The following LYPD6B variants were observed in gnomAD, a reference collection of about 807,000 sequenced individuals.
LYPD6B encodes ly6/PLAUR domain-containing protein 6B.
In LYPD6B, 17 loss-of-function variants were observed where a neutral mutation model predicts 22.8. That is an observed-to-expected ratio of 0.75 (90% CI 0.51 to 1.12). The LOEUF is 1.12. Among genes scored for constraint, LYPD6B ranks in the 50% most tolerant of loss-of-function variants. LYPD6B has a pLI of 0.00. For missense variants in LYPD6B, 221 were observed against 258.3 expected (o/e 0.86, Z 0.99); for synonymous variants, 106 against 91.6 (o/e 1.16, Z -0.90).
chr2:149,178,226 A>T (rs1266557271), intron 3 of LYPD6B, among the ~76,000 whole-genome samples: 1 of 152,212 alleles, frequency 6.6e-6, no homozygotes, highest in Non-Finnish European at 1.5e-5. Context: ...CTTCCAGCAC[A>T]GCCTTTCCAT....
intron 1 of LYPD6B, among the ~76,000 whole-genome samples, chr2:149,050,284 A>G (rs562620943): frequency 1.9e-4 from 29 of 152,046 alleles, no homozygotes; most frequent in African/African-American, 6.7e-4. Context: ...GCCCTTAACC[A>G]GCTGTATTAC....
In LYPD6B at chr2:149,044,983, G is replaced by A. The variant is rs376597313; in HGVS notation, c.-67+6182G>A. Reference sequence around the variant, plus strand: ...TTGGTTGTAATGTATTTTTGGAGGGGACTAGGTAGATTGGTATTATTTATT... The same window carrying A: ...TTGGTTGTAATGTATTTTTGGAGGGAACTAGGTAGATTGGTATTATTTATT... On this transcript the variant is annotated intron_variant, in intron 1 of 6. Transcript: ENST00000409642. Among the ~76,000 whole-genome samples, 21 of 152,108 alleles carry A rather than the reference G, an allele frequency of 1.4e-4. No individual in the cohort carries two copies. The East Asian group carries it at 1.5e-3, about 11-fold the overall frequency.
intron 1 of LYPD6B, among the ~76,000 whole-genome samples, chr2:149,042,516 A>G (rs149500483): frequency 6.6e-6 from 1 of 152,334 alleles, no homozygotes; most frequent in East Asian, 1.9e-4. Flanking sequence ...CAATACTGCC[A>G]TGGGCTGGCC....
At chr2:149,065,812 A>C (rs1452635895) in intron 1 of LYPD6B, among the ~76,000 whole-genome samples, 2 of 152,122 alleles carry the variant, frequency 1.3e-5, no homozygotes, top group South Asian at 4.1e-4. Context: ...AGGCTCAAGC[A>C]GTCCTCTTGC....
intron 1 of LYPD6B, among the ~76,000 whole-genome samples, chr2:149,127,341 T>C (rs532855840): frequency 6.6e-6 from 1 of 152,322 alleles, no homozygotes; most frequent in South Asian, 2.1e-4. Flanking sequence ...AGAACTTTCC[T>C]CCAGAGAAGA....
intron 2 of LYPD6B, among the ~76,000 whole-genome samples, chr2:149,135,043 A>C (rs1200819878): frequency 6.6e-6 from 1 of 151,480 alleles, no homozygotes; most frequent in Admixed American, 6.6e-5. Context: ...TCAGGAGTTC[A>C]AGACCAGCCT....
At chr2:149,209,833 G>T (rs1559081405) in intron 5 of LYPD6B, among the ~76,000 whole-genome samples, 1 of 152,128 alleles carries the variant, frequency 6.6e-6, no homozygotes, top group African/African-American at 2.4e-5. Flanking sequence ...TTTCTGTCAA[G>T]GGATCATCCT....
intron 1 of LYPD6B, among the ~76,000 whole-genome samples, chr2:149,115,897 C>A (rs572066031): frequency 6.6e-6 from 1 of 152,360 alleles, no homozygotes; most frequent in East Asian, 1.9e-4. Context: ...TAGTGTGACA[C>A]AACCTCTCAC....
At chr2:149,195,629 T>C (rs990442463) in intron 3 of LYPD6B, among the ~76,000 whole-genome samples, 7 of 151,932 alleles carry the variant, frequency 4.6e-5, no homozygotes, top group Non-Finnish European at 1.0e-4. Context: ...CAGATAATCA[T>C]AGAATTTGAG....
At chr2:149,120,938 T>C (rs1575005433) in intron 1 of LYPD6B, among the ~76,000 whole-genome samples, 1 of 151,760 alleles carries the variant, frequency 6.6e-6, no homozygotes, top group East Asian at 2.0e-4. Flanking sequence ...ACTACAGGTG[T>C]GCACCACCAT....
intron 1 of LYPD6B, among the ~76,000 whole-genome samples, chr2:149,081,629 C>G (rs999316424): frequency 6.6e-6 from 1 of 152,132 alleles, no homozygotes; most frequent in South Asian, 2.1e-4. Context: ...AATGAGTTCT[C>G]ACACAGAACG....
intron 1 of LYPD6B, 127 bp downstream of exon 1, chr2:149,038,928 G>A (rs950263258): frequency 7.0e-5 from 10 of 142,278 alleles, no homozygotes; most frequent in African/African-American, 2.6e-4. Flanking sequence ...GGCGCGCTGG[G>A]GCAGCCAGGA....
intron 1 of LYPD6B, among the ~76,000 whole-genome samples, chr2:149,050,816 T>G (rs1683516984): frequency 6.6e-6 from 1 of 152,224 alleles, no homozygotes; most frequent in South Asian, 2.1e-4. Flanking sequence ...ACAGTTGTAG[T>G]GATAATTTTA....
chr2:149,171,526 T>TG (rs1224026820), intron 3 of LYPD6B, among the ~76,000 whole-genome samples: 15 of 129,888 alleles, frequency 1.2e-4, no homozygotes, highest in African/African-American at 3.5e-4. Context: ...TTTTGAAGTC[T>TG]GATTTTTTTT....
intron 1 of LYPD6B, among the ~76,000 whole-genome samples, chr2:149,112,260 G>A (rs1686793655): frequency 6.6e-6 from 1 of 152,208 alleles, no homozygotes; most frequent in African/African-American, 2.4e-5. Context: ...AGATTGAGTG[G>A]ACCTTGGTAT....
intron 2 of LYPD6B, among the ~76,000 whole-genome samples, chr2:149,154,844 G>A (rs192632344): frequency 3.9e-5 from 6 of 152,056 alleles, no homozygotes; most frequent in Admixed American, 6.6e-5. Flanking sequence ...TATATGCTAG[G>A]GACCGAAAGA....
chr2:149,157,994 C>G (rs1263022846), intron 2 of LYPD6B, among the ~76,000 whole-genome samples: 1 of 152,128 alleles, frequency 6.6e-6, no homozygotes, highest in Non-Finnish European at 1.5e-5. Context: ...TTACACGTAG[C>G]AGGGGATATT....
Position 149,177,914 on chromosome 2 carries a change from G to A in LYPD6B, c.77+17079G>A, listed in dbSNP as rs146004483. 1.9e-3 allele frequency among the ~76,000 whole-genome samples: 277 copies of A among 145,004 alleles called. 1 individual carries two copies. The highest frequency in any genetic ancestry group is 6.7e-3 in the African/African-American group (261 of 39,130). On this transcript the variant is annotated intron_variant, in intron 3 of 6. Coordinates refer to ENST00000409642, the MANE Select transcript of LYPD6B (RefSeq NM_177964.5). ...AATGTTTATTGAGCACTTATTATATGCTAGGCATTGTAAAACACACTTTGT... is the reference window on the plus strand; with the variant it reads ...AATGTTTATTGAGCACTTATTATATACTAGGCATTGTAAAACACACTTTGT...
At chr2:149,161,763 C>T (rs1690077782) in intron 3 of LYPD6B, among the ~76,000 whole-genome samples, 1 of 152,136 alleles carries the variant, frequency 6.6e-6, no homozygotes, top group Non-Finnish European at 1.5e-5. Flanking sequence ...TGGCCAGGGC[C>T]ATGTTTATGT....
Sources: gnomAD v4.1 joint callset for allele counts (sites outside exome capture counted in the v4.1 genomes callset) on GRCh38, gnomAD v4.1.1 for gene constraint, MANE v1.5 for transcripts, NCBI Gene and HGNC (gene_info 2026-07-23, HGNC 2026-07-21) for gene names.